SSX2IP: variants seen among roughly 807,000 people sequenced by gnomAD.
The protein encoded by SSX2IP is afadin- and alpha-actinin-binding protein.
In SSX2IP, 55 loss-of-function variants were observed where a neutral mutation model predicts 84.9. That is an observed-to-expected ratio of 0.65 (90% CI 0.52 to 0.81). The LOEUF (loss-of-function observed/expected upper bound fraction) is 0.81, where lower values mean the gene tolerates loss of function less well. Among genes scored for constraint, SSX2IP ranks in the 30% least tolerant of loss-of-function variants. The probability of loss-of-function intolerance (pLI) is 0.00; values close to 1 mark genes in which losing one functional copy is unlikely to be tolerated. For missense variants in SSX2IP, 664 were observed against 705.2 expected (o/e 0.94, Z 0.66); for synonymous variants, 239 against 234.7 (o/e 1.02, Z -0.17).
At chr1:84,648,895 C>T (rs1255824125) in intron 13 of SSX2IP, among the ~76,000 whole-genome samples, 2 of 152,202 alleles carry the variant, frequency 1.3e-5, no homozygotes, top group Admixed American at 6.5e-5. Context: ...TATTATGACC[C>T]TAGTCCAATT....
intron 1 of SSX2IP, among the ~76,000 whole-genome samples, chr1:84,681,757 C>G (rs1655108751): frequency 6.6e-6 from 1 of 152,200 alleles, no homozygotes. Flanking sequence ...TCCCACCAAT[C>G]AGGTACACTT....
rs903925974 is a variant in SSX2IP at position 84,659,299 on chromosome 1, C to CT, written c.928-832dup. ...TGAGGGAGCAACTGAGTCTGAAGAA[C>CT]TCTATCAGTAGTTGAGGTCAGCAAT... On this transcript the variant is annotated intron_variant, in intron 8 of 13. Transcript: ENST00000342203. Among the ~76,000 whole-genome samples the CT allele has an allele frequency of 1.9e-4, 20 of 104,248 alleles. 1 individual carries two copies. Among genetic ancestry groups the CT allele is most frequent in the Middle Eastern group, 4.7e-3 (1 of 214 alleles). The allele number at this position is 104,248 out of a possible 152,430, so 68.4% of individuals were successfully genotyped here. A position where few individuals can be genotyped will look rare whatever the true frequency, so the allele number is the denominator to read the frequency against.
chr1:84,666,107 T>C lies in SSX2IP; in HGVS notation c.537+15A>G, dbSNP rs1188987454. 1 of 1,590,338 alleles carries C rather than the reference T, an allele frequency of 6.3e-7. No homozygotes were observed. Among genetic ancestry groups the C allele is most frequent in the Non-Finnish European group, 8.6e-7 (1 of 1,163,044 alleles). The stretch of plus-strand genomic sequence containing the variant: ...AAATTCACTTAAACTTCATCTGCAA[T>C]AACTGACAACTCACCTCATCTTTCT... On this transcript the variant is annotated intron_variant, in intron 5 of 13. Coordinates refer to ENST00000342203, the MANE Select transcript of SSX2IP (RefSeq NM_001166293.2).
chr1:84,689,186 G>C (rs1019183821), intron 1 of SSX2IP, among the ~76,000 whole-genome samples: 1 of 152,168 alleles, frequency 6.6e-6, no homozygotes, highest in African/African-American at 2.4e-5. Flanking sequence ...AAAATAGCTT[G>C]ACGTGAACTT....
chr1:84,684,338 T>C lies in SSX2IP; in HGVS notation c.-90+6033A>G, dbSNP rs1426573316. Among the ~76,000 whole-genome samples the C allele has an allele frequency of 2.6e-5, 4 of 152,230 alleles. No homozygotes were observed. In the East Asian group the frequency reaches 5.8e-4, roughly 22 times the overall value. On this transcript the variant is annotated intron_variant, in intron 1 of 13. Coordinates refer to ENST00000342203, the MANE Select transcript of SSX2IP (RefSeq NM_001166293.2). ...CTGTGTTCTATAGAATGTGGTTCAG[T>C]ATAAATTAGTATTCTATTTATATGC...
At chr1:84,649,899 G>A (rs1378173687) in intron 13 of SSX2IP, 2 of 526,446 alleles carry the variant, frequency 3.8e-6, no homozygotes, top group South Asian at 1.4e-5. Flanking sequence ...TCATCCTTGG[G>A]CACAAATCTT....
At chr1:84,670,173 C>A in intron 3 of SSX2IP, 1 of 201,286 alleles carries the variant, frequency 5.0e-6, no homozygotes. Flanking sequence ...TAATTTTTGT[C>A]AAAAATTAAA....
At chr1:84,678,928 C>G (rs1654721727) in intron 1 of SSX2IP, among the ~76,000 whole-genome samples, 1 of 152,156 alleles carries the variant, frequency 6.6e-6, no homozygotes. Flanking sequence ...AAAATAATAG[C>G]TTTCCATTAT....
Position 84,647,331 on chromosome 1 carries a change from A to G in SSX2IP, c.*102T>C, listed in dbSNP as rs372492445. On this transcript the variant is annotated 3_prime_UTR_variant, in exon 14 of 14. Coordinates refer to ENST00000342203, the MANE Select transcript of SSX2IP (RefSeq NM_001166293.2). ...GAAGTCCAAACAAACAACTCAGACC[A>G]TCTTAAGTTATTAGAGATAACTGAC... The G allele has an allele frequency of 3.8e-6, 4 of 1,044,924 alleles. No individual in the cohort carries two copies. In the African/African-American group the frequency reaches 4.8e-5, roughly 13 times the overall value. The allele number at this position is 1,044,924 out of a possible 1,614,324, so 64.7% of individuals were successfully genotyped here. A position where few individuals can be genotyped will look rare whatever the true frequency, so the allele number is the denominator to read the frequency against.
At chr1:84,652,904 T>C (rs1275462961) in intron 11 of SSX2IP, among the ~76,000 whole-genome samples, 53 of 134,428 alleles carry the variant, frequency 3.9e-4, no homozygotes, top group East Asian at 1.6e-3. Flanking sequence ...TGGTGGCGGG[T>C]GCCTGTAGTC....
chr1:84,654,582 G>A (rs1309318576), intron 11 of SSX2IP, among the ~76,000 whole-genome samples: 1 of 152,044 alleles, frequency 6.6e-6, no homozygotes, highest in Non-Finnish European at 1.5e-5. Flanking sequence ...CATGAGATAT[G>A]AGCAACATGG....
intron 1 of SSX2IP, among the ~76,000 whole-genome samples, chr1:84,677,280 T>C (rs1322701556): frequency 6.6e-6 from 1 of 152,214 alleles, no homozygotes; most frequent in Non-Finnish European, 1.5e-5. Flanking sequence ...TGTTCTTGTT[T>C]ATACTTCTCT....
chr1:84,664,015 A>G (rs1652414232), intron 6 of SSX2IP, among the ~76,000 whole-genome samples: 1 of 152,188 alleles, frequency 6.6e-6, no homozygotes, highest in Admixed American at 6.5e-5. Context: ...AACTTATTTA[A>G]AGGAACTCAA....
chr1:84,644,379 C>T lies in SSX2IP; in HGVS notation c.*3054G>A, dbSNP rs1649240564. On this transcript the variant is annotated 3_prime_UTR_variant, in exon 14 of 14. Transcript: ENST00000342203. ...TCCTAATAGCAGGCAGCGTGCTTAT[C>T]TGTCTTCATATCACCAAGGATTGGA... 1 of 152,172 alleles carries T rather than the reference C, an allele frequency of 6.6e-6. No individual in the cohort carries two copies. The highest frequency in any genetic ancestry group is 2.4e-5 in the African/African-American group (1 of 41,462). The allele number at this position is 152,172 out of a possible 1,614,324, so 9.4% of individuals were successfully genotyped here. A position where few individuals can be genotyped will look rare whatever the true frequency, so the allele number is the denominator to read the frequency against.
Position 84,664,423 on chromosome 1 carries a change from T to C in SSX2IP, c.667A>G (p.Lys223Glu), listed in dbSNP as rs1652483696. The C allele has an allele frequency of 1.3e-6, 2 of 1,579,072 alleles. No individual in the cohort carries two copies. The part of the protein sequence containing the change: ...HQLVMNKKDK[K>E]IAMDILNYVG... Reference sequence around the variant, plus strand: ...ATCTTTGCCAGCTGTTTACCTATTTTCTTATCTTTCTTGTTCATAACAAGT... The same window carrying C: ...ATCTTTGCCAGCTGTTTACCTATTTCCTTATCTTTCTTGTTCATAACAAGT... Residue 223 changes from lysine (K) to glutamate (E), a missense_variant, in exon 6 of 14, where the codon AAA becomes GAA. By Grantham distance (56) the Lys-to-Glu change is moderately conservative. Transcript: ENST00000342203.
intron 1 of SSX2IP, among the ~76,000 whole-genome samples, chr1:84,681,223 C>G (rs1184420564): frequency 6.6e-6 from 1 of 152,062 alleles, no homozygotes; most frequent in Non-Finnish European, 1.5e-5. Flanking sequence ...TATAAGAGAG[C>G]AAGCATAATA....
chr1:84,652,815 G>A (rs566454431), intron 11 of SSX2IP, among the ~76,000 whole-genome samples: 32 of 152,192 alleles, frequency 2.1e-4, no homozygotes, highest in African/African-American at 7.7e-4. Flanking sequence ...CACGAGGTCA[G>A]GAGATCGAGA....
chr1:84,654,152 A>C (rs1262205671), intron 11 of SSX2IP, among the ~76,000 whole-genome samples: 5 of 152,180 alleles, frequency 3.3e-5, no homozygotes, highest in Admixed American at 1.3e-4. Context: ...GAAGGAAAAA[A>C]TAAAGAAGAA....
At chr1:84,688,248 C>T (rs918017775) in intron 1 of SSX2IP, among the ~76,000 whole-genome samples, 10 of 152,144 alleles carry the variant, frequency 6.6e-5, no homozygotes, top group Admixed American at 3.3e-4. Flanking sequence ...ATCCCATAAA[C>T]TCGTGAATTC....
Sources: gnomAD v4.1 joint callset for allele counts (sites outside exome capture counted in the v4.1 genomes callset) on GRCh38, gnomAD v4.1.1 for gene constraint, MANE v1.5 for transcripts, NCBI Gene and HGNC (gene_info 2026-07-23, HGNC 2026-07-21) for gene names.